The following DIP2C variants were observed in gnomAD, a reference collection of about 807,000 sequenced individuals.
The protein encoded by DIP2C is disco-interacting protein 2 homolog C.
DIP2C carries 33 observed loss-of-function variants against 192.4 expected under a neutral mutation model. The ratio of observed to expected loss-of-function variants is 0.17; its 90% CI spans 0.13 to 0.23. DIP2C has a LOEUF of 0.23. DIP2C is among the 10% of genes least tolerant of loss of function. DIP2C has a pLI of 1.00. For missense variants in DIP2C, 1,537 were observed against 2,110.1 expected, an observed-to-expected ratio of 0.73 and a Z score of 5.32; for synonymous variants, 979 against 864.1, an observed-to-expected ratio of 1.13 and a Z score of -2.33.
At chr10:620,995 T>C (rs898220090) in intron 1 of DIP2C, among the ~76,000 whole-genome samples, 2 of 152,184 alleles carry the variant, frequency 1.3e-5, no homozygotes, top group African/African-American at 4.8e-5. Context: ...ATTTGAACGT[T>C]CTTGTAGTTT....
chr10:450,064 G>A (rs1485797433), intron 3 of DIP2C, among the ~76,000 whole-genome samples: 1 of 152,188 alleles, frequency 6.6e-6, no homozygotes, highest in African/African-American at 2.4e-5. Context: ...CAGCAAATGG[G>A]AAAACAGTCG....
intron 1 of DIP2C, among the ~76,000 whole-genome samples, chr10:565,354 T>TTAAAAAAAAAAAAAA (rs1554737793): frequency 8.8e-6 from 1 of 114,136 alleles, no homozygotes; most frequent in Admixed American, 8.7e-5. Context: ...ACCTGCATTC[T>TTAAAAAAAAAAAAAA]AAAAAAAAAA....
chr10:590,361 T>TC lies in DIP2C; in HGVS notation c.85+99132dup, dbSNP rs199643891. 6.2e-4 allele frequency among the ~76,000 whole-genome samples: 95 copies of TC among 152,312 alleles called. 2 individuals carry two copies. The East Asian group carries it at 0.014, about 22-fold the overall frequency. On this transcript the variant is annotated intron_variant, in intron 1 of 36. Transcript: ENST00000280886. The stretch of plus-strand genomic sequence containing the variant: ...TTCTAAAAAAACCACAGCAAGCTGT[T>TC]CCTTGGCTCTGGAAAGGCTAAATGA...
intron 1 of DIP2C, among the ~76,000 whole-genome samples, chr10:654,537 G>C (rs1164941919): frequency 6.6e-6 from 1 of 152,152 alleles, no homozygotes; most frequent in African/African-American, 2.4e-5. Flanking sequence ...CATGTGCCAG[G>C]CATGAGACAA....
intron 3 of DIP2C, among the ~76,000 whole-genome samples, chr10:466,898 G>A (rs1970250780): frequency 6.9e-6 from 1 of 145,010 alleles, no homozygotes; most frequent in Admixed American, 7.1e-5. Context: ...TGCTGGAGAG[G>A]ATGTGGAGAA....
chr10:533,648 A>AC (rs1554893270), intron 1 of DIP2C, among the ~76,000 whole-genome samples: 2 of 129,790 alleles, frequency 1.5e-5, no homozygotes, highest in Non-Finnish European at 3.1e-5. Context: ...AGAGATACCT[A>AC]CCAAAAAAAA....
intron 1 of DIP2C, among the ~76,000 whole-genome samples, chr10:629,530 G>A (rs1854391483): frequency 6.6e-6 from 1 of 152,234 alleles, no homozygotes; most frequent in African/African-American, 2.4e-5. Context: ...CACACTGGGG[G>A]AAGGAAGCCC....
At chr10:448,074 T>A (rs879003864) in intron 3 of DIP2C, among the ~76,000 whole-genome samples, 1 of 87,074 alleles carries the variant, frequency 1.1e-5, no homozygotes, top group Non-Finnish European at 2.1e-5. Context: ...CATCCCCGTC[T>A]ATACTCAGGA....
At chr10:616,309 A>G (rs1853468034) in intron 1 of DIP2C, among the ~76,000 whole-genome samples, 1 of 152,244 alleles carries the variant, frequency 6.6e-6, no homozygotes, top group South Asian at 2.1e-4. Context: ...AGCATGAATG[A>G]AAACTTTAAT....
chr10:421,567 G>A (rs900509176), intron 5 of DIP2C, among the ~76,000 whole-genome samples: 2 of 152,118 alleles, frequency 1.3e-5, no homozygotes, highest in African/African-American at 4.8e-5. Flanking sequence ...TTAACGTACT[G>A]TGATTTCAAG....
At chr10:281,462 T>C in intron 35 of DIP2C, 139 bp from the exon 36 acceptor site, 1 of 1,285,828 alleles carries the variant, frequency 7.8e-7, no homozygotes, top group South Asian at 1.7e-5. Context: ...CCAGGGACGT[T>C]TGTTTCCTTC....
intron 1 of DIP2C, among the ~76,000 whole-genome samples, chr10:614,770 GGTATCGCGGCT>G (rs1329937632): frequency 6.6e-6 from 1 of 152,238 alleles, no homozygotes; most frequent in Non-Finnish European, 1.5e-5. Flanking sequence ...TCCCTTGCCG[GGTATCGCGGCT>G]CCAGGGAGTA....
intron 1 of DIP2C, among the ~76,000 whole-genome samples, chr10:541,803 C>T (rs1444803978): frequency 6.6e-6 from 1 of 152,032 alleles, no homozygotes; most frequent in Non-Finnish European, 1.5e-5. Flanking sequence ...ACACCTGTCT[C>T]TCCTAGACCC....
intron 22 of DIP2C, among the ~76,000 whole-genome samples, chr10:360,562 C>T (rs541309736): frequency 6.6e-5 from 10 of 152,322 alleles, no homozygotes; most frequent in African/African-American, 1.9e-4. Flanking sequence ...AGCAGCGAGA[C>T]ACACAAATCC....
At chr10:518,765 T>C (rs1354916916) in intron 1 of DIP2C, among the ~76,000 whole-genome samples, 1 of 152,206 alleles carries the variant, frequency 6.6e-6, no homozygotes, top group Non-Finnish European at 1.5e-5. Context: ...ATGCTCACCG[T>C]CCTACAGAGA....
At chr10:407,239 T>TGC (rs1964871456) in intron 9 of DIP2C, among the ~76,000 whole-genome samples, 1 of 152,232 alleles carries the variant, frequency 6.6e-6, no homozygotes, top group South Asian at 2.1e-4. Context: ...ATACCTGTTT[T>TGC]GTGTCTGGCT....
At chr10:460,189 A>C (rs1357365116) in intron 3 of DIP2C, among the ~76,000 whole-genome samples, 1 of 152,194 alleles carries the variant, frequency 6.6e-6, no homozygotes, top group African/African-American at 2.4e-5. Flanking sequence ...CTTGGGTGGA[A>C]TGGGCACAAC....
intron 21 of DIP2C, 81 bp from the exon 22 acceptor site, chr10:362,772 A>G (rs1959691480): frequency 2.1e-6 from 3 of 1,426,920 alleles, no homozygotes; most frequent in Non-Finnish European, 2.8e-6. Context: ...AATATGATCC[A>G]CAATACACAG....
At chr10:523,922 A>C (rs566356325) in intron 1 of DIP2C, among the ~76,000 whole-genome samples, 2 of 152,296 alleles carry the variant, frequency 1.3e-5, no homozygotes, top group East Asian at 3.9e-4. Context: ...AGGAAACCCA[A>C]AGCATTTTAG....
Sources: gnomAD v4.1 joint callset for allele counts (sites outside exome capture counted in the v4.1 genomes callset) on GRCh38, gnomAD v4.1.1 for gene constraint, MANE v1.5 for transcripts, NCBI Gene and HGNC (gene_info 2026-07-23, HGNC 2026-07-21) for gene names.